LIPH: variants seen among roughly 807,000 people sequenced by gnomAD.
The protein encoded by LIPH is lipase member H.
In LIPH, 32 loss-of-function variants were observed where a neutral mutation model predicts 47.6. The ratio of observed to expected loss-of-function variants is 0.67; its 90% CI spans 0.51 to 0.90. The LOEUF is 0.90. Among genes scored for constraint, LIPH ranks in the 40% least tolerant of loss-of-function variants. The pLI, the probability that LIPH is intolerant of heterozygous loss-of-function variation, is 0.00. For missense variants in LIPH, 497 were observed against 541.4 expected (o/e 0.92, Z 0.81); for synonymous variants, 190 against 195.6 (o/e 0.97, Z 0.24).
At chr3:185,515,010 C>T (rs1024325698) in intron 7 of LIPH, among the ~76,000 whole-genome samples, 6 of 152,152 alleles carry the variant, frequency 3.9e-5, no homozygotes, top group Admixed American at 2.0e-4. Context: ...CACCTGGGCA[C>T]GCTTACTTTG....
rs1553827198 is a variant in LIPH at position 185,549,140 on chromosome 3, A to AAAAG, written c.49+3282_49+3283insCTTT. ...GCGAGACTCCATCTCAAAAAAAAAAAAAAAGAAAATATTTGTTTCTTTTTT... is the reference window on the plus strand; with the variant it reads ...GCGAGACTCCATCTCAAAAAAAAAAAAAAGAAAAGAAAATATTTGTTTCTTTTTT... On this transcript the variant is annotated intron_variant, in intron 1 of 9. Coordinates refer to ENST00000296252, the MANE Select transcript of LIPH (RefSeq NM_139248.3). Among the ~76,000 whole-genome samples, 853 of 151,836 alleles carry AAAAG rather than the reference A, an allele frequency of 5.6e-3. 6 individuals are homozygous for AAAAG. The highest frequency in any genetic ancestry group is 0.019 in the African/African-American group (793 of 41,478).
Position 185,534,916 on chromosome 3 carries a change from T to C in LIPH, c.266A>G (p.Asp89Gly). The C allele has an allele frequency of 6.2e-7, 1 of 1,614,186 alleles. No individual in the cohort carries two copies. The highest frequency in any genetic ancestry group is 8.5e-7 in the Non-Finnish European group (1 of 1,180,026). Residue 89 changes from aspartate (D) to glycine (G), a missense_variant, in exon 2 of 10, where the codon GAT becomes GGT. Coordinates refer to ENST00000296252, the MANE Select transcript of LIPH (RefSeq NM_139248.3). ...RPTGSPPVWM[D>G]DLVKGLLSVE... ...AGAGAGCAAACCCTTTACTAAGTCATCCATCCAAACAGGAGGGGAGCCTGT... is the reference window on the plus strand; with the variant it reads ...AGAGAGCAAACCCTTTACTAAGTCACCCATCCAAACAGGAGGGGAGCCTGT...
chr3:185,515,528 T>A (rs188374507), intron 7 of LIPH, among the ~76,000 whole-genome samples: 3,613 of 148,880 alleles, frequency 0.024, 159 homozygotes, highest in African/African-American at 0.085. Context: ...TTTTTTTTTT[T>A]AAAAGAATCT....
chr3:185,517,307 C>T (rs1719758023), intron 6 of LIPH, 145 bp from the exon 7 acceptor site: 2 of 640,856 alleles, frequency 3.1e-6, no homozygotes, highest in Admixed American at 2.3e-5. Context: ...TGGTGAGGGC[C>T]TGCAGGGTGA....
chr3:185,517,265 T>C (rs771475920), intron 6 of LIPH, 103 bp from the exon 7 acceptor site: 16 of 730,462 alleles, frequency 2.2e-5, no homozygotes, highest in Non-Finnish European at 3.7e-5. Context: ...CCACCACTTC[T>C]GAGAGAAACT....
intron 6 of LIPH, among the ~76,000 whole-genome samples, chr3:185,518,327 T>G (rs505569): frequency 0.33 from 50,609 of 152,056 alleles, 9,608 homozygotes; most frequent in Non-Finnish European, 0.42. Context: ...TTGCCCAGGC[T>G]GGAGTGCAAT....
intron 1 of LIPH, among the ~76,000 whole-genome samples, chr3:185,548,015 G>A (rs1242015028): frequency 6.6e-6 from 1 of 152,140 alleles, no homozygotes; most frequent in East Asian, 1.9e-4. Flanking sequence ...ACACTCTTAT[G>A]CTTGCCTGAA....
At chr3:185,520,338 G>T (rs1216658606) in intron 5 of LIPH, among the ~76,000 whole-genome samples, 1 of 151,920 alleles carries the variant, frequency 6.6e-6, no homozygotes, top group African/African-American at 2.4e-5. Flanking sequence ...GACCAACATG[G>T]TGAAACCCCG....
At chr3:185,551,287 A>G (rs919882339) in intron 1 of LIPH, among the ~76,000 whole-genome samples, 2 of 152,240 alleles carry the variant, frequency 1.3e-5, no homozygotes, top group Non-Finnish European at 2.9e-5. Flanking sequence ...AAAACCATAT[A>G]TAAAGAAAAA....
At chr3:185,537,508 T>G (rs1720538414) in intron 1 of LIPH, among the ~76,000 whole-genome samples, 1 of 152,162 alleles carries the variant, frequency 6.6e-6, no homozygotes, top group African/African-American at 2.4e-5. Flanking sequence ...GAACATGCAC[T>G]TGCCCAGTTG....
chr3:185,522,640 G>GAAAA (rs55937100), intron 5 of LIPH, among the ~76,000 whole-genome samples: 4 of 128,588 alleles, frequency 3.1e-5, no homozygotes, highest in Non-Finnish European at 5.1e-5. Flanking sequence ...GGAAAAGAAA[G>GAAAA]AGAGAAAGAA....
intron 9 of LIPH, among the ~76,000 whole-genome samples, chr3:185,510,393 C>T (rs771837479): frequency 2.6e-5 from 4 of 152,200 alleles, no homozygotes; most frequent in Non-Finnish European, 5.9e-5. Context: ...CAGCTCTGTA[C>T]TTAAATAATA....
intron 3 of LIPH, among the ~76,000 whole-genome samples, chr3:185,533,020 C>T (rs185808657): frequency 2.0e-5 from 3 of 152,178 alleles, no homozygotes; most frequent in African/African-American, 7.2e-5. Context: ...AAGAGAGAGC[C>T]GCTGTGGAAA....
In LIPH at chr3:185,532,441, G is replaced by A. The variant is rs948005523; in HGVS notation, c.526+1130C>T. ...TGGAGGACTGCTTGTGCCTGGGGGG[G>A]CGTTGAGGCTGCAGTGAGCTGCATG... On this transcript the variant is annotated intron_variant, in intron 3 of 9. Transcript: ENST00000296252. 3.1e-4 allele frequency among the ~76,000 whole-genome samples: 47 copies of A among 151,646 alleles called. No individual in the cohort carries two copies. In the South Asian group the frequency reaches 8.6e-3, roughly 28 times the overall value.
chr3:185,514,359 T>G (rs920614803), intron 8 of LIPH, 51 bp downstream of exon 8: 5 of 827,112 alleles, frequency 6.0e-6, no homozygotes, highest in Non-Finnish European at 6.5e-6. Context: ...ATTTAATTTC[T>G]CTGAGCAAAA....
chr3:185,516,107 C>T (rs1374504570), intron 7 of LIPH, among the ~76,000 whole-genome samples: 5 of 151,904 alleles, frequency 3.3e-5, no homozygotes, highest in African/African-American at 7.2e-5. Flanking sequence ...GCACTCCAGC[C>T]TGGGTGACAG....
Position 185,534,981 on chromosome 3 carries a change from C to CAATGA in LIPH, c.200_201insTCATT (p.Thr68HisfsTer2), listed in dbSNP as rs2148959694. The CAATGA allele has an allele frequency of 6.2e-7, 1 of 1,613,882 alleles. No homozygotes were observed. ...GGACAATGAAGGTGGTTTTCTTGGT[C>CAATGA]ACATTCAAGTTCCCAAAAGCTGAGG... On this transcript the variant is annotated frameshift_variant, in exon 2 of 10. Transcript: ENST00000296252.
chr3:185,534,495 G>A (rs1484382290), intron 2 of LIPH, among the ~76,000 whole-genome samples: 1 of 152,154 alleles, frequency 6.6e-6, no homozygotes, highest in Non-Finnish European at 1.5e-5. Context: ...ATCATCTGGT[G>A]GAAATTTATC....
intron 5 of LIPH, among the ~76,000 whole-genome samples, chr3:185,522,551 AAGG>A (rs1307180475): frequency 6.6e-6 from 1 of 151,120 alleles, no homozygotes; most frequent in East Asian, 1.9e-4. Flanking sequence ...GAGAGGAAGA[AAGG>A]AAGGAAGGGA....
Sources: allele counts gnomAD v4.1 joint callset (sites outside exome capture counted in the v4.1 genomes callset), GRCh38; gene constraint gnomAD v4.1.1; transcripts MANE v1.5; gene names NCBI Gene and HGNC (gene_info 2026-07-23, HGNC 2026-07-21).